Variants in CCDC178 observed in about 807,000 individuals in gnomAD.
CCDC178 encodes the protein coiled-coil domain-containing protein 178.
In CCDC178, 126 loss-of-function variants were observed where a neutral mutation model predicts 117.4. The observed-to-expected ratio is 1.07, with a 90% confidence interval of 0.93 to 1.24. The LOEUF (loss-of-function observed/expected upper bound fraction) is 1.24. CCDC178 is among the 50% of genes most tolerant of loss of function. CCDC178 has a pLI of 0.00. For synonymous variants in CCDC178, 283 were observed against 313.4 expected (o/e 0.90, Z 1.02); for missense variants, 1,030 against 986.9 (o/e 1.04, Z -0.59).
At chr18:33,271,286 A>C (rs1455216843) in intron 12 of CCDC178, among the ~76,000 whole-genome samples, 1 of 151,520 alleles carries the variant, frequency 6.6e-6, no homozygotes, top group African/African-American at 2.4e-5. Context: ...CCTCTAATTA[A>C]AGTATAGAGA....
intron 5 of CCDC178, among the ~76,000 whole-genome samples, chr18:33,384,415 A>AT (rs2063471867): frequency 6.6e-6 from 1 of 152,168 alleles, no homozygotes; most frequent in Non-Finnish European, 1.5e-5. Context: ...TAATCATCAG[A>AT]TTCTCCAAGG....
intron 20 of CCDC178, among the ~76,000 whole-genome samples, chr18:33,175,016 C>T (rs2058647138): frequency 6.7e-6 from 1 of 150,246 alleles, no homozygotes; most frequent in African/African-American, 2.5e-5. Context: ...TACAACCCGG[C>T]TAATTTTTTA....
intron 14 of CCDC178, among the ~76,000 whole-genome samples, chr18:33,248,270 TTTTTTA>T (rs1357672242): frequency 6.6e-6 from 1 of 151,860 alleles, no homozygotes; most frequent in East Asian, 1.9e-4. Context: ...GCCTTTATTT[TTTTTTA>T]TTTTTATTTT....
chr18:33,111,631 A>G (rs1284391129), intron 20 of CCDC178, among the ~76,000 whole-genome samples: 1 of 151,704 alleles, frequency 6.6e-6, no homozygotes, highest in Non-Finnish European at 1.5e-5. Flanking sequence ...ATAACAGAAA[A>G]ATAACCATTC....
intron 20 of CCDC178, among the ~76,000 whole-genome samples, chr18:33,147,803 A>C (rs892566488): frequency 3.3e-5 from 5 of 152,140 alleles, no homozygotes; most frequent in African/African-American, 1.2e-4. Context: ...TGATTTCTCT[A>C]TCTTTTCCCC....
At chr18:33,083,964 A>G (rs1031953691) in intron 21 of CCDC178, among the ~76,000 whole-genome samples, 1 of 152,206 alleles carries the variant, frequency 6.6e-6, no homozygotes, top group African/African-American at 2.4e-5. Flanking sequence ...GGTAGGATTT[A>G]TTTGCAATTG....
chr18:33,410,364 C>T (rs1268679481), intron 3 of CCDC178, among the ~76,000 whole-genome samples: 2 of 152,086 alleles, frequency 1.3e-5, no homozygotes, highest in African/African-American at 2.4e-5. Flanking sequence ...TGTTACTAAT[C>T]TGAGATTGGG....
At chr18:33,296,539 G>A (rs1237328072) in intron 11 of CCDC178, among the ~76,000 whole-genome samples, 1 of 152,090 alleles carries the variant, frequency 6.6e-6, no homozygotes, top group African/African-American at 2.4e-5. Context: ...AGGGTACACA[G>A]GACTCTATGT....
At chr18:33,090,916 C>G (rs1297763707) in intron 21 of CCDC178, among the ~76,000 whole-genome samples, 1 of 152,124 alleles carries the variant, frequency 6.6e-6, no homozygotes, top group African/African-American at 2.4e-5. Context: ...AAAATGAGAT[C>G]AAGATAATTT....
intron 12 of CCDC178, among the ~76,000 whole-genome samples, chr18:33,282,784 G>T (rs545828512): frequency 6.6e-6 from 1 of 152,268 alleles, no homozygotes; most frequent in South Asian, 2.1e-4. Flanking sequence ...GATGGCCATT[G>T]CAGAGAACCT....
intron 2 of CCDC178, among the ~76,000 whole-genome samples, chr18:33,434,157 T>G (rs1047152189): frequency 6.6e-6 from 1 of 152,090 alleles, no homozygotes; most frequent in Admixed American, 6.6e-5. Flanking sequence ...AAACAGGTTT[T>G]GTTGCTGCAA....
At chr18:33,054,386 C>T (rs1265654350) in intron 21 of CCDC178, among the ~76,000 whole-genome samples, 1 of 152,168 alleles carries the variant, frequency 6.6e-6, no homozygotes, top group Non-Finnish European at 1.5e-5. Flanking sequence ...ACATTAGGCC[C>T]AGCATCCATT....
At chr18:33,422,244 A>G (rs2064035805) in intron 2 of CCDC178, among the ~76,000 whole-genome samples, 2 of 152,128 alleles carry the variant, frequency 1.3e-5, no homozygotes, top group South Asian at 4.1e-4. Flanking sequence ...TTTCTACCCC[A>G]TTACAATAAA....
At position 33,054,129 on chromosome 18, in the gene CCDC178, C is replaced by A. The variant is rs190887404; in HGVS notation, c.2388+38632G>T. Among the ~76,000 whole-genome samples, 556 of 152,284 alleles carry A rather than the reference C, an allele frequency of 3.7e-3. 2 individuals carry two copies. The highest frequency in any genetic ancestry group is 0.013 in the African/African-American group (535 of 41,566). On this transcript the variant is annotated intron_variant, in intron 21 of 22. Coordinates refer to ENST00000383096, the MANE Select transcript of CCDC178 (RefSeq NM_001105528.4). ...ACACCCTTTCCTATAATTATTAATA[C>A]TTTAGTCTACTACCTACTTTAGTCT... is the stretch of plus-strand genomic sequence containing the variant.
chr18:33,081,058 T>C (rs534500583), intron 21 of CCDC178, among the ~76,000 whole-genome samples: 11 of 152,058 alleles, frequency 7.2e-5, no homozygotes, highest in South Asian at 2.1e-4. Context: ...CAATCAGATA[T>C]GGAAGTAGTA....
At chr18:33,353,281 G>GCTA (rs2063002429) in intron 7 of CCDC178, among the ~76,000 whole-genome samples, 1 of 151,908 alleles carries the variant, frequency 6.6e-6, no homozygotes, top group East Asian at 1.9e-4. Flanking sequence ...CCACTTTTAA[G>GCTA]CTACTTATGT....
At chr18:33,380,291 G>A (rs1364853246) in intron 5 of CCDC178, among the ~76,000 whole-genome samples, 3 of 152,172 alleles carry the variant, frequency 2.0e-5, no homozygotes, top group Non-Finnish European at 4.4e-5. Context: ...CCACATTTCT[G>A]GCTGTAGAGG....
chr18:33,195,839 T>A (rs1301443838), intron 20 of CCDC178, among the ~76,000 whole-genome samples: 1 of 152,242 alleles, frequency 6.6e-6, no homozygotes, highest in East Asian at 1.9e-4. Flanking sequence ...AAATGTACGA[T>A]CTATGGAATT....
At chr18:33,122,152 C>A (rs546755388) in intron 20 of CCDC178, among the ~76,000 whole-genome samples, 49 of 152,256 alleles carry the variant, frequency 3.2e-4, no homozygotes, top group African/African-American at 1.1e-3. Context: ...GTCCTGTAGA[C>A]TTTAGAATAC....
Sources: gnomAD v4.1 joint callset for allele counts (sites outside exome capture counted in the v4.1 genomes callset) on GRCh38, gnomAD v4.1.1 for gene constraint, MANE v1.5 for transcripts, NCBI Gene and HGNC (gene_info 2026-07-23, HGNC 2026-07-21) for gene names.